Variants in NDUFAF2 observed in about 807,000 individuals in gnomAD.
The protein encoded by NDUFAF2 is NADH dehydrogenase [ubiquinone] 1 alpha subcomplex assembly factor 2.
In NDUFAF2, 13 loss-of-function variants were observed where a neutral mutation model predicts 22.8. The ratio of observed to expected loss-of-function variants is 0.57; its 90% CI spans 0.37 to 0.91. NDUFAF2 has a LOEUF of 0.91. Ranked by LOEUF, NDUFAF2 falls within the 40% of genes least tolerant of loss-of-function variation. NDUFAF2 has a pLI of 0.01. For missense variants in NDUFAF2, 162 were observed against 195.2 expected, an observed-to-expected ratio of 0.83 and a Z score of 1.01; for synonymous variants, 53 against 64.2, an observed-to-expected ratio of 0.83 and a Z score of 0.84.
intron 1 of NDUFAF2, among the ~76,000 whole-genome samples, chr5:61,037,358 C>T (rs1751812811): frequency 6.6e-6 from 1 of 152,134 alleles, no homozygotes; most frequent in Admixed American, 6.6e-5. Context: ...ATAATTGGCT[C>T]AAAGTACAAT....
At chr5:61,150,340 A>C (rs1157622802) in intron 3 of NDUFAF2, among the ~76,000 whole-genome samples, 1 of 152,116 alleles carries the variant, frequency 6.6e-6, no homozygotes. Flanking sequence ...TTGTTTTTTC[A>C]GAAAAACAAA....
chr5:61,100,981 C>T (rs138832347), intron 3 of NDUFAF2, among the ~76,000 whole-genome samples: 23 of 152,236 alleles, frequency 1.5e-4, no homozygotes, highest in African/African-American at 5.5e-4. Flanking sequence ...CTTTCCAGTT[C>T]TTTGACTTCA....
intron 1 of NDUFAF2, among the ~76,000 whole-genome samples, chr5:61,070,383 C>CA (rs773829739): frequency 9.9e-5 from 15 of 151,002 alleles, no homozygotes; most frequent in Admixed American, 5.3e-4. Flanking sequence ...GTATTTATTC[C>CA]AAAAAAAGGG....
At chr5:61,120,506 G>A (rs2111797926) in intron 3 of NDUFAF2, among the ~76,000 whole-genome samples, 1 of 152,186 alleles carries the variant, frequency 6.6e-6, no homozygotes, top group East Asian at 1.9e-4. Flanking sequence ...ATACAAAGCT[G>A]AGGTCTGAGT....
intron 1 of NDUFAF2, among the ~76,000 whole-genome samples, chr5:61,038,111 A>AGAGAGAGAGG (rs1751823449): frequency 6.7e-6 from 1 of 148,914 alleles, no homozygotes; most frequent in East Asian, 2.0e-4. Context: ...AGAGAGAGAG[A>AGAGAGAGAGG]GAGAGGGAGA....
At chr5:61,020,846 C>T (rs1751573115) in intron 1 of NDUFAF2, among the ~76,000 whole-genome samples, 1 of 152,042 alleles carries the variant, frequency 6.6e-6, no homozygotes, top group Non-Finnish European at 1.5e-5. Flanking sequence ...CAGGTGTGTA[C>T]CACCACGCCC....
At chr5:61,061,001 C>T (rs1752158831) in intron 1 of NDUFAF2, among the ~76,000 whole-genome samples, 1 of 152,110 alleles carries the variant, frequency 6.6e-6, no homozygotes, top group Non-Finnish European at 1.5e-5. Flanking sequence ...ATGCCTGAGT[C>T]TGCTGTTTCA....
At chr5:60,991,934 C>G (rs925646354) in intron 1 of NDUFAF2, among the ~76,000 whole-genome samples, 1 of 152,166 alleles carries the variant, frequency 6.6e-6, no homozygotes, top group Non-Finnish European at 1.5e-5. Flanking sequence ...AGGGTTCATT[C>G]TTCTCCACAT....
intron 3 of NDUFAF2, among the ~76,000 whole-genome samples, chr5:61,150,269 C>T (rs1741211125): frequency 6.6e-6 from 1 of 152,052 alleles, no homozygotes; most frequent in Admixed American, 6.6e-5. Flanking sequence ...TATTTCCTTT[C>T]ATAAATGATT....
At position 61,128,546 on chromosome 5, in the gene NDUFAF2, G is replaced by A. The variant is rs1177277318; in HGVS notation, c.259-24158G>A. ...TGAACCTGACAAAAACAAGAAATGG[G>A]GAAAGGTTTCCCTATTTAACAAATG... On this transcript the variant is annotated intron_variant, in intron 3 of 3. Coordinates refer to ENST00000296597, the MANE Select transcript of NDUFAF2 (RefSeq NM_174889.5). 2.0e-5 allele frequency among the ~76,000 whole-genome samples: 3 copies of A among 152,130 alleles called. No individual in the cohort carries two copies. The East Asian group carries it at 5.8e-4, about 29-fold the overall frequency.
At chr5:61,014,871 G>T (rs1224644316) in intron 1 of NDUFAF2, among the ~76,000 whole-genome samples, 1 of 152,136 alleles carries the variant, frequency 6.6e-6, no homozygotes, top group Non-Finnish European at 1.5e-5. Flanking sequence ...TCTATTGTCA[G>T]TTATCCATAT....
chr5:61,097,845 G>C (rs1224499862), intron 2 of NDUFAF2, among the ~76,000 whole-genome samples: 3 of 152,156 alleles, frequency 2.0e-5, no homozygotes, highest in African/African-American at 7.2e-5. Context: ...GCCAGAGACA[G>C]GGTCAGATCT....
chr5:61,060,076 G>A (rs1443799643), intron 1 of NDUFAF2, among the ~76,000 whole-genome samples: 1 of 152,082 alleles, frequency 6.6e-6, no homozygotes, highest in East Asian at 1.9e-4. Context: ...AATCAGCTGT[G>A]AACATTTGGA....
chr5:60,989,109 C>T (rs1315389258), intron 1 of NDUFAF2, among the ~76,000 whole-genome samples: 1 of 151,134 alleles, frequency 6.6e-6, no homozygotes, highest in East Asian at 1.9e-4. Context: ...AACACATGAA[C>T]AGATGTTTTT....
chr5:60,965,234 C>G (rs1014968439), intron 1 of NDUFAF2, among the ~76,000 whole-genome samples: 1 of 152,040 alleles, frequency 6.6e-6, no homozygotes, highest in Non-Finnish European at 1.5e-5. Flanking sequence ...CATAATTTTC[C>G]TCCGACTTTA....
At chr5:60,989,211 A>G (rs1228870850) in intron 1 of NDUFAF2, among the ~76,000 whole-genome samples, 1 of 152,190 alleles carries the variant, frequency 6.6e-6, no homozygotes, top group African/African-American at 2.4e-5. Flanking sequence ...CCACAGCGTG[A>G]TATCTTATAT....
chr5:61,119,969 A>G (rs1205570288), intron 3 of NDUFAF2, among the ~76,000 whole-genome samples: 1 of 152,178 alleles, frequency 6.6e-6, no homozygotes, highest in Non-Finnish European at 1.5e-5. Flanking sequence ...TGCTACCTGA[A>G]ATCCTATGTC....
chr5:61,105,445 TC>T (rs1210617225), intron 3 of NDUFAF2, among the ~76,000 whole-genome samples: 1 of 150,942 alleles, frequency 6.6e-6, no homozygotes, highest in Non-Finnish European at 1.5e-5. Context: ...TAAATGGACC[TC>T]CCACTCCTCA....
intron 1 of NDUFAF2, among the ~76,000 whole-genome samples, chr5:61,012,144 G>A (rs1751450504): frequency 6.6e-6 from 1 of 151,588 alleles, no homozygotes; most frequent in African/African-American, 2.4e-5. Flanking sequence ...CTTATTATCT[G>A]TCAGCTCTCA....
Sources: allele counts gnomAD v4.1 joint callset (sites outside exome capture counted in the v4.1 genomes callset), GRCh38; gene constraint gnomAD v4.1.1; transcripts MANE v1.5; gene names NCBI Gene and HGNC (gene_info 2026-07-23, HGNC 2026-07-21).